Variants in DIP2C observed in about 807,000 individuals in gnomAD.
DIP2C encodes the protein DIP2 acetate--CoA ligase C (putative).
In DIP2C, 33 loss-of-function variants were observed where a neutral mutation model predicts 192.4. That is an observed-to-expected ratio of 0.17 (90% CI 0.13 to 0.23). The LOEUF (loss-of-function observed/expected upper bound fraction) is 0.23, where lower values mean the gene tolerates loss of function less well. Among genes scored for constraint, DIP2C ranks in the 10% least tolerant of loss-of-function variants. DIP2C has a pLI of 1.00. For synonymous variants in DIP2C, 979 were observed against 864.1 expected (o/e 1.13, Z -2.33); for missense variants, 1,537 against 2,110.1 (o/e 0.73, Z 5.32).
intron 1 of DIP2C, among the ~76,000 whole-genome samples, chr10:546,650 G>A (rs1193815749): frequency 2.0e-5 from 3 of 152,228 alleles, no homozygotes; most frequent in East Asian, 1.9e-4. Context: ...GACCCTGGTC[G>A]ACGGGCCTTT....
Position 387,816 on chromosome 10 carries a change from A to G in DIP2C, c.1598-7T>C, listed in dbSNP as rs1286999845. On this transcript the variant is annotated splice_polypyrimidine_tract_variant and splice_region_variant and intron_variant, in intron 13 of 36. Transcript: ENST00000280886. ...ACATTCACAATGGTTTCAGCTGCAC[A>G]ACAGAGGGAGTCAGGAGATTTTTAC... The G allele has an allele frequency of 6.2e-7, 1 of 1,614,228 alleles. No homozygotes were observed. The highest frequency in any genetic ancestry group is 2.2e-5 in the East Asian group (1 of 44,886).
intron 1 of DIP2C, among the ~76,000 whole-genome samples, chr10:529,802 T>A (rs1847262915): frequency 6.6e-6 from 1 of 152,190 alleles, no homozygotes; most frequent in African/African-American, 2.4e-5. Flanking sequence ...TTTTTTTAGG[T>A]GGAGTCTCAC....
At chr10:384,179 G>GCCA in intron 15 of DIP2C, 33 bp from the exon 16 acceptor site, 1 of 1,604,568 alleles carries the variant, frequency 6.2e-7, no homozygotes, top group Non-Finnish European at 8.5e-7. Flanking sequence ...GTTAACATGT[G>GCCA]CCACCGTCAG....
intron 10 of DIP2C, among the ~76,000 whole-genome samples, chr10:395,417 T>C (rs1000997013): frequency 3.9e-5 from 6 of 152,144 alleles, no homozygotes; most frequent in Admixed American, 6.5e-5. Context: ...ATGTATATAA[T>C]TATAACTTGT....
chr10:352,248 G>A (rs1171505095), intron 24 of DIP2C, among the ~76,000 whole-genome samples: 2 of 152,280 alleles, frequency 1.3e-5, no homozygotes, highest in Non-Finnish European at 2.9e-5. Flanking sequence ...ATGAGACACA[G>A]CCAGCAGCCA....
chr10:511,896 A>C (rs78529670), intron 1 of DIP2C, among the ~76,000 whole-genome samples: 4 of 152,346 alleles, frequency 2.6e-5, no homozygotes, highest in Non-Finnish European at 5.9e-5. Context: ...CACCGTGTAT[A>C]TCTGTCCTTT....
intron 34 of DIP2C, 77 bp from the exon 35 acceptor site, chr10:283,523 A>G: frequency 6.6e-7 from 1 of 1,514,466 alleles, no homozygotes; most frequent in Non-Finnish European, 9.1e-7. Flanking sequence ...TACTTTGACA[A>G]TTCAGTACAT....
intron 1 of DIP2C, among the ~76,000 whole-genome samples, chr10:578,722 T>C (rs545591962): frequency 1.3e-5 from 2 of 152,170 alleles, no homozygotes; most frequent in African/African-American, 2.4e-5. Context: ...TATATGTACA[T>C]AGGTACAGTG....
intron 1 of DIP2C, chr10:667,721 AAC>A (rs974191179): frequency 6.6e-6 from 1 of 152,200 alleles, no homozygotes; most frequent in African/African-American, 2.4e-5. Context: ...CATACAACAC[AAC>A]ACACATGTAC....
chr10:460,234 G>C (rs1969661855), intron 3 of DIP2C, among the ~76,000 whole-genome samples: 1 of 152,098 alleles, frequency 6.6e-6, no homozygotes, highest in Non-Finnish European at 1.5e-5. Flanking sequence ...AGAGTTGTTG[G>C]TTGGGGAAAA....
intron 1 of DIP2C, among the ~76,000 whole-genome samples, chr10:579,849 C>T (rs569478443): frequency 3.9e-5 from 6 of 152,072 alleles, no homozygotes; most frequent in South Asian, 4.2e-4. Context: ...CACATCTGTA[C>T]AGTGTACATG....
At chr10:542,978 C>A in intron 1 of DIP2C, among the ~76,000 whole-genome samples, 1 of 152,218 alleles carries the variant, frequency 6.6e-6, no homozygotes, top group East Asian at 1.9e-4. Flanking sequence ...CTGCCACATG[C>A]AGTCATCCTC....
intron 2 of DIP2C, chr10:484,779 A>G: frequency 6.2e-7 from 1 of 1,610,300 alleles, no homozygotes; most frequent in Non-Finnish European, 8.5e-7. Flanking sequence ...AGCAGCGCTC[A>G]CCGAAACGAA....
intron 31 of DIP2C, among the ~76,000 whole-genome samples, chr10:323,451 A>AGTCAGTCGGGGGTGCGGGGCTCCG (rs1564554419): frequency 3.1e-5 from 1 of 32,148 alleles, no homozygotes; most frequent in African/African-American, 5.2e-5. Flanking sequence ...GCGGGGCTCC[A>AGTCAGTCGGGGGTGCGGGGCTCCG]GCGAGAGACC....
intron 32 of DIP2C, among the ~76,000 whole-genome samples, chr10:302,579 TGTCA>T (rs1482651891): frequency 6.6e-6 from 1 of 152,172 alleles, no homozygotes. Flanking sequence ...AGAAATGAGC[TGTCA>T]GTCCATTGTG....
At position 683,546 on chromosome 10, in the gene DIP2C, G is replaced by A. The variant is rs117790564; in HGVS notation, c.85+5948C>T. On this transcript the variant is annotated intron_variant, in intron 1 of 36. Coordinates refer to ENST00000280886, the MANE Select transcript of DIP2C (RefSeq NM_014974.3). Reference sequence around the variant, plus strand: ...GATAGAGTGGTCAGAAACCGACCACGTCACCAAAGGGCGCCATAGACGTTC... The same window carrying A: ...GATAGAGTGGTCAGAAACCGACCACATCACCAAAGGGCGCCATAGACGTTC... 2.3e-4 allele frequency among the ~76,000 whole-genome samples: 35 copies of A among 152,296 alleles called. No individual in the cohort carries two copies. In the East Asian group the frequency reaches 4.4e-3, roughly 19 times the overall value.
chr10:632,461 G>A (rs1300624883), intron 1 of DIP2C, among the ~76,000 whole-genome samples: 10 of 113,630 alleles, frequency 8.8e-5, no homozygotes, highest in Non-Finnish European at 1.8e-4. Context: ...CAGACCCGAC[G>A]GCCAGCACCG....
chr10:428,159 A>G (rs1353444171), intron 4 of DIP2C, among the ~76,000 whole-genome samples: 2 of 152,218 alleles, frequency 1.3e-5, no homozygotes, highest in South Asian at 2.1e-4. Flanking sequence ...TTATGATTTT[A>G]TATCATAAAA....
intron 28 of DIP2C, among the ~76,000 whole-genome samples, chr10:341,755 TG>T (rs1958158511): frequency 6.6e-6 from 1 of 152,210 alleles, no homozygotes; most frequent in Non-Finnish European, 1.5e-5. Context: ...GGCTCATACC[TG>T]TAATCAAAAC....
Sources: gnomAD v4.1 joint callset for allele counts (sites outside exome capture counted in the v4.1 genomes callset) on GRCh38, gnomAD v4.1.1 for gene constraint, MANE v1.5 for transcripts, NCBI Gene and HGNC (gene_info 2026-07-23, HGNC 2026-07-21) for gene names.